Variants in YWHAB observed in about 807,000 individuals in gnomAD.
The protein encoded by YWHAB is tyrosine 3-monooxygenase/tryptophan 5-monooxygenase activation protein beta.
Under a neutral mutation model 28.5 loss-of-function variants are expected in YWHAB, and 2 were observed. That is an observed-to-expected ratio of 0.07 (90% CI 0.03 to 0.22). The LOEUF (loss-of-function observed/expected upper bound fraction) is 0.22. Ranked by LOEUF, YWHAB falls within the 10% of genes least tolerant of loss-of-function variation. The pLI is 1.00. For synonymous variants in YWHAB, 103 were observed against 104.7 expected (o/e 0.98, Z 0.10); for missense variants, 148 against 297.1 (o/e 0.50, Z 3.69).
rs1204563261 is a variant in YWHAB at position 44,889,213 on chromosome 20, G to T, written c.-4+3327G>T. On this transcript the variant is annotated intron_variant, in intron 1 of 5. Transcript: ENST00000353703. ...GTGAATATGATCTTAGCAGTCATCTGTATTGCATGATGGAGAAACTAACGG... is the reference window on the plus strand; with the variant it reads ...GTGAATATGATCTTAGCAGTCATCTTTATTGCATGATGGAGAAACTAACGG... 2.0e-5 allele frequency among the ~76,000 whole-genome samples: 3 copies of T among 152,196 alleles called. No individual in the cohort carries two copies. The South Asian group carries it at 6.2e-4, about 31-fold the overall frequency.
intron 1 of YWHAB, among the ~76,000 whole-genome samples, chr20:44,899,065 T>C (rs1378511448): frequency 6.6e-6 from 1 of 152,116 alleles, no homozygotes; most frequent in African/African-American, 2.4e-5. Flanking sequence ...TGAGCCGAGG[T>C]TGCGTCACTG....
Position 44,906,503 on chromosome 20 carries a change from A to T in YWHAB, c.*65A>T. The T allele has an allele frequency of 7.5e-5, 44 of 588,102 alleles. No homozygotes were observed. Among genetic ancestry groups the T allele is most frequent in the Non-Finnish European group, 9.8e-5 (41 of 418,920 alleles). The allele number at this position is 588,102 out of a possible 1,614,324, so 36.4% of individuals were successfully genotyped here. ...ACCCTCAACATATATCCCTTGTGCG[A>T]TAAAAAAAAAAAAAAAAAAAAAAAG... On this transcript the variant is annotated 3_prime_UTR_variant, in exon 6 of 6. Coordinates refer to ENST00000353703, the MANE Select transcript of YWHAB (RefSeq NM_139323.4).
At chr20:44,904,833 A>G (rs1009467160) in intron 3 of YWHAB, 135 bp from the exon 4 acceptor site, 5 of 787,938 alleles carry the variant, frequency 6.3e-6, no homozygotes, top group Non-Finnish European at 9.5e-6. Context: ...ATTGAATGGC[A>G]GAGACACTGA....
Position 44,906,440 on chromosome 20 carries a change from G to A in YWHAB, c.*2G>A. 1.1e-5 allele frequency: 17 copies of A among 1,554,928 alleles called. No homozygotes were observed. The highest frequency in any genetic ancestry group is 1.5e-5 in the Non-Finnish European group (17 of 1,148,752). ...GACGCTGGGGAGGGAGAGAACTAAT[G>A]TTTCTCGTGCTTTGTGATCTGTTCA... On this transcript the variant is annotated 3_prime_UTR_variant, in exon 6 of 6. Transcript: ENST00000353703.
intron 3 of YWHAB, 106 bp from the exon 4 acceptor site, chr20:44,904,862 A>T (rs2145540521): frequency 8.6e-7 from 1 of 1,157,666 alleles, no homozygotes; most frequent in South Asian, 1.9e-5. Context: ...TTGATAGGTC[A>T]TTGCTCCTGC....
intron 1 of YWHAB, among the ~76,000 whole-genome samples, chr20:44,897,605 C>T (rs2066603488): frequency 6.6e-6 from 1 of 152,122 alleles, no homozygotes; most frequent in Admixed American, 6.5e-5. Flanking sequence ...CCTTTGGTAT[C>T]CAGGGGGTGT....
intron 1 of YWHAB, chr20:44,887,605 A>T (rs991119802): frequency 3.3e-5 from 5 of 152,238 alleles, no homozygotes; most frequent in Non-Finnish European, 5.9e-5. Context: ...GGCAGCCTCT[A>T]TAAAACCAGG....
rs2066522672 is a variant in YWHAB, at chr20:44,885,832, C to A, written c.-58C>A. On this transcript the variant is annotated 5_prime_UTR_variant, in exon 1 of 6. Transcript: ENST00000353703. ...GTAGTGGGCTTAGGAAGGAAGAGGT[C>A]ATCTCGCTCGGAGCTTCGCTCGGAA... 1.3e-5 allele frequency: 2 copies of A among 155,758 alleles called. No homozygotes were observed. Among genetic ancestry groups the A allele is most frequent in the South Asian group, 3.1e-4 (2 of 6,514 alleles). The allele number at this position is 155,758 out of a possible 1,614,324, so 9.6% of individuals were successfully genotyped here. A position where few individuals can be genotyped will look rare whatever the true frequency, so the allele number is the denominator to read the frequency against.
intron 1 of YWHAB, among the ~76,000 whole-genome samples, chr20:44,898,809 A>C (rs2145533706): frequency 6.6e-6 from 1 of 151,360 alleles, no homozygotes; most frequent in Middle Eastern, 3.4e-3. Flanking sequence ...CCCAGCAGAA[A>C]ATGGTTAATT....
At chr20:44,893,056 A>T (rs745955442) in intron 1 of YWHAB, among the ~76,000 whole-genome samples, 1 of 152,128 alleles carries the variant, frequency 6.6e-6, no homozygotes, top group South Asian at 2.1e-4. Flanking sequence ...CTGTCTTTGC[A>T]CTGCCTTTAT....
At chr20:44,892,369 C>A (rs555397061) in intron 1 of YWHAB, among the ~76,000 whole-genome samples, 65 of 151,848 alleles carry the variant, frequency 4.3e-4, no homozygotes, top group Non-Finnish European at 6.8e-4. Context: ...TCCTCTAGTT[C>A]TGTCTGGTTG....
chr20:44,891,638 C>T (rs2066562612), intron 1 of YWHAB, among the ~76,000 whole-genome samples: 2 of 135,042 alleles, frequency 1.5e-5, no homozygotes, highest in African/African-American at 3.1e-5. Context: ...GTCATATCTA[C>T]CATTAAGTCA....
At chr20:44,893,694 C>CT (rs3091859) in intron 1 of YWHAB, among the ~76,000 whole-genome samples, 1,565 of 103,768 alleles carry the variant, frequency 0.015, 62 homozygotes, top group African/African-American at 0.043. Context: ...CCTCCCCTGC[C>CT]TTTTTTTTTT....
At chr20:44,893,880 A>G (rs2066579047) in intron 1 of YWHAB, among the ~76,000 whole-genome samples, 1 of 151,928 alleles carries the variant, frequency 6.6e-6, no homozygotes, top group East Asian at 1.9e-4. Context: ...TATTTTTAGT[A>G]GAAACGGGGT....
intron 1 of YWHAB, among the ~76,000 whole-genome samples, chr20:44,898,948 C>G (rs1172628293): frequency 6.7e-6 from 1 of 150,354 alleles, no homozygotes; most frequent in East Asian, 2.0e-4. Flanking sequence ...GAAACCCCAC[C>G]TCTACTAAAA....
chr20:44,891,371 C>G (rs1001729301), intron 1 of YWHAB, among the ~76,000 whole-genome samples: 1 of 152,198 alleles, frequency 6.6e-6, no homozygotes, highest in South Asian at 2.1e-4. Context: ...TCCCAGAGTG[C>G]TGGGATTACA....
At chr20:44,891,652 G>A (rs575283347) in intron 1 of YWHAB, among the ~76,000 whole-genome samples, 2 of 71,910 alleles carry the variant, frequency 2.8e-5, no homozygotes, top group Admixed American at 1.2e-4. Flanking sequence ...TAAGTCACAT[G>A]TGTAACCTTG....
intron 1 of YWHAB, among the ~76,000 whole-genome samples, chr20:44,888,376 CCAATG>C (rs1823993901): frequency 6.6e-6 from 1 of 152,162 alleles, no homozygotes; most frequent in Non-Finnish European, 1.5e-5. Context: ...TTCATAACAA[CCAATG>C]AAAGGTAAGA....
At chr20:44,892,969 A>G (rs1321568262) in intron 1 of YWHAB, among the ~76,000 whole-genome samples, 2 of 152,206 alleles carry the variant, frequency 1.3e-5, no homozygotes, top group African/African-American at 2.4e-5. Context: ...CGAATCGAGC[A>G]TGTTCTTTGC....
Sources: allele counts gnomAD v4.1 joint callset (sites outside exome capture counted in the v4.1 genomes callset), GRCh38; gene constraint gnomAD v4.1.1; transcripts MANE v1.5; gene names NCBI Gene and HGNC (gene_info 2026-07-23, HGNC 2026-07-21).